ERBB4: variants seen among roughly 807,000 people sequenced by gnomAD.
ERBB4 encodes erb-b2 receptor tyrosine kinase 4, also known as receptor tyrosine-protein kinase erbB-4.
In ERBB4, 42 loss-of-function variants were observed where a neutral mutation model predicts 158.0. The observed-to-expected ratio is 0.27, with a 90% confidence interval of 0.21 to 0.34. The LOEUF (loss-of-function observed/expected upper bound fraction) is 0.34. Ranked by LOEUF, ERBB4 falls within the 10% of genes least tolerant of loss-of-function variation. The pLI, the probability that ERBB4 is intolerant of heterozygous loss-of-function variation, is 1.00. For synonymous variants in ERBB4, 583 were observed against 558.7 expected (o/e 1.04, Z -0.61); for missense variants, 1,333 against 1,624.1 (o/e 0.82, Z 3.08).
intron 2 of ERBB4, among the ~76,000 whole-genome samples, chr2:211,999,361 G>A (rs1022833803): frequency 1.3e-5 from 2 of 151,490 alleles, no homozygotes; most frequent in Non-Finnish European, 3.0e-5. Flanking sequence ...ATGCTCTTGG[G>A]GCATGATATA....
At chr2:211,580,093 T>C (rs901588955) in intron 19 of ERBB4, among the ~76,000 whole-genome samples, 3 of 152,232 alleles carry the variant, frequency 2.0e-5, no homozygotes, top group African/African-American at 7.2e-5. Context: ...TTAAATAAGT[T>C]GTTTTGAGGA....
intron 25 of ERBB4, among the ~76,000 whole-genome samples, chr2:211,415,102 A>ATTT (rs1395575088): frequency 1.3e-3 from 109 of 80,860 alleles, no homozygotes; most frequent in Non-Finnish European, 2.1e-3. Context: ...TGAAACTTAC[A>ATTT]TTTTCTTTTT....
chr2:211,769,721 C>T lies in ERBB4; in HGVS notation c.556+18304G>A, dbSNP rs144983625. ...ACCACTGGTGTTAAGTCCAAGAGTC[C>T]AAAAGCTGAAGAACTTGGAGTCTGA... On this transcript the variant is annotated intron_variant, in intron 4 of 27. Coordinates refer to ENST00000342788, the MANE Select transcript of ERBB4 (RefSeq NM_005235.3). Among the ~76,000 whole-genome samples, 618 of 152,268 alleles carry T rather than the reference C, an allele frequency of 4.1e-3. 4 individuals carry two copies. The highest frequency in any genetic ancestry group is 0.014 in the African/African-American group (583 of 41,548).
intron 19 of ERBB4, among the ~76,000 whole-genome samples, chr2:211,601,855 T>C (rs1231832628): frequency 1.3e-5 from 2 of 152,036 alleles, no homozygotes; most frequent in Non-Finnish European, 2.9e-5. Flanking sequence ...AATATTACCA[T>C]GTATAGGAAA....
chr2:211,422,227 A>C lies in ERBB4; in HGVS notation c.2867-123T>G, dbSNP rs2063527991. The C allele has an allele frequency of 8.7e-6, 6 of 687,272 alleles. No homozygotes were observed. In the South Asian group the frequency reaches 9.0e-5, roughly 10 times the overall value. 42.6% of individuals were successfully genotyped at this position (687,272 alleles called of 1,614,324 possible). The stretch of plus-strand genomic sequence containing the variant: ...TGTTTTAATCGTAATGATCTGAGAA[A>C]GAAAGCAAGCTAGTGAAAGAAACGA... On this transcript the variant is annotated intron_variant, in intron 23 of 27. Transcript: ENST00000342788.
rs564918910 is a variant in ERBB4, at chr2:211,810,819, C to T, written c.422-22660G>A. Among the ~76,000 whole-genome samples, 30 of 151,922 alleles carry T rather than the reference C, an allele frequency of 2.0e-4. No homozygotes were observed. The East Asian group carries it at 5.6e-3, about 29-fold the overall frequency. ...TCCCGAGTAGCTGGGACTACAGGCG[C>T]CCGCCACCGCGCCCGGCTAATTTTT... On this transcript the variant is annotated intron_variant, in intron 3 of 27. Transcript: ENST00000342788.
chr2:211,877,979 G>A (rs986006096), intron 3 of ERBB4, among the ~76,000 whole-genome samples: 1 of 152,014 alleles, frequency 6.6e-6, no homozygotes, highest in Non-Finnish European at 1.5e-5. Context: ...ATGGTGGTGG[G>A]TGCCTGTAAT....
intron 1 of ERBB4, among the ~76,000 whole-genome samples, chr2:212,222,214 A>C (rs559217184): frequency 1.3e-5 from 2 of 151,672 alleles, no homozygotes; most frequent in African/African-American, 4.8e-5. Context: ...TATTAACATT[A>C]ATGCTTTATT....
chr2:211,871,537 T>C (rs2078345935), intron 3 of ERBB4, among the ~76,000 whole-genome samples: 2 of 149,756 alleles, frequency 1.3e-5, no homozygotes, highest in Non-Finnish European at 3.0e-5. Flanking sequence ...TAGTCATGGG[T>C]CATTCAGACT....
At chr2:211,388,096 C>A (rs2062725840) in intron 25 of ERBB4, 104 bp from the exon 26 acceptor site, 7 of 859,242 alleles carry the variant, frequency 8.1e-6, no homozygotes, top group Non-Finnish European at 1.4e-5. Flanking sequence ...TCGTATGAAC[C>A]AAAGGGGAAA....
chr2:212,258,959 T>A (rs1346774494), intron 1 of ERBB4, among the ~76,000 whole-genome samples: 1 of 152,120 alleles, frequency 6.6e-6, no homozygotes, highest in African/African-American at 2.4e-5. Context: ...AGGATAAAAG[T>A]GAAGTCTACT....
intron 1 of ERBB4, among the ~76,000 whole-genome samples, chr2:212,512,422 T>A (rs1691578983): frequency 1.3e-5 from 2 of 151,930 alleles, no homozygotes; most frequent in Admixed American, 1.3e-4. Flanking sequence ...GAATGTGTAA[T>A]TTATGCAAAA....
chr2:211,512,100 A>C (rs954795527), intron 20 of ERBB4, among the ~76,000 whole-genome samples: 2 of 152,132 alleles, frequency 1.3e-5, no homozygotes, highest in Non-Finnish European at 2.9e-5. Context: ...GAAATTCAAA[A>C]TTTGCAGACA....
At chr2:212,165,095 C>T (rs2081309271) in intron 1 of ERBB4, among the ~76,000 whole-genome samples, 1 of 151,924 alleles carries the variant, frequency 6.6e-6, no homozygotes, top group Non-Finnish European at 1.5e-5. Context: ...ACATCCGTCC[C>T]TCCTGTCTTG....
intron 20 of ERBB4, among the ~76,000 whole-genome samples, chr2:211,515,362 G>C (rs2065994995): frequency 6.6e-6 from 1 of 151,904 alleles, no homozygotes. Context: ...AGAAGATGAT[G>C]GTTTAAAGGT....
At chr2:211,485,726 G>T (rs1002733522) in intron 20 of ERBB4, among the ~76,000 whole-genome samples, 1 of 133,058 alleles carries the variant, frequency 7.5e-6, no homozygotes, top group African/African-American at 2.7e-5. Flanking sequence ...GGGGAGGGGG[G>T]AGGGATAGCG....
chr2:212,475,887 GTCCAA>G (rs1202060008), intron 1 of ERBB4, among the ~76,000 whole-genome samples: 1 of 151,854 alleles, frequency 6.6e-6, no homozygotes, highest in Non-Finnish European at 1.5e-5. Flanking sequence ...CCCTTACTCA[GTCCAA>G]TCACTTTCAT....
chr2:211,622,238 TAC>T (rs2069631988), intron 18 of ERBB4, among the ~76,000 whole-genome samples: 1 of 152,206 alleles, frequency 6.6e-6, no homozygotes, highest in African/African-American at 2.4e-5. Context: ...TATAAAATGA[TAC>T]AGTCTGAGTC....
At chr2:212,377,930 C>T (rs1467264439) in intron 1 of ERBB4, among the ~76,000 whole-genome samples, 2 of 151,410 alleles carry the variant, frequency 1.3e-5, no homozygotes, top group African/African-American at 4.9e-5. Context: ...TCTTTATATC[C>T]TTCTTCTATA....
Sources: gnomAD v4.1 joint callset for allele counts (sites outside exome capture counted in the v4.1 genomes callset) on GRCh38, gnomAD v4.1.1 for gene constraint, MANE v1.5 for transcripts, NCBI Gene and HGNC (gene_info 2026-07-23, HGNC 2026-07-21) for gene names.